TBCA: variants seen among roughly 807,000 people sequenced by gnomAD.
TBCA encodes the protein tubulin-specific chaperone A.
TBCA carries 6 observed loss-of-function variants against 15.8 expected under a neutral mutation model. The observed-to-expected ratio is 0.38, with a 90% CI of 0.21 to 0.75. The LOEUF (loss-of-function observed/expected upper bound fraction) is 0.75. TBCA is among the 30% of genes least tolerant of loss of function. The pLI, the probability that TBCA is intolerant of heterozygous loss-of-function variation, is 0.46. For missense variants in TBCA, 90 were observed against 131.2 expected (o/e 0.69, Z 1.53); for synonymous variants, 32 against 42.3 (o/e 0.76, Z 0.94).
chr5:77,701,520 C>A (rs187325289), intron 2 of TBCA, among the ~76,000 whole-genome samples: 2 of 151,488 alleles, frequency 1.3e-5, no homozygotes, highest in Admixed American at 6.6e-5. Flanking sequence ...AGTAGGACTA[C>A]CATTTGATCC....
intron 2 of TBCA, 64 bp from the exon 3 acceptor site, chr5:77,693,416 C>A: frequency 8.4e-6 from 13 of 1,544,070 alleles, no homozygotes; most frequent in Non-Finnish European, 1.1e-5. Flanking sequence ...TAGCTCATAT[C>A]TTGGTAAGTA....
chr5:77,760,374 CCCTT>C (rs1456335955), intron 1 of TBCA, among the ~76,000 whole-genome samples: 3 of 151,920 alleles, frequency 2.0e-5, no homozygotes, highest in Admixed American at 2.0e-4. Flanking sequence ...CTACGGCCCT[CCCTT>C]CCTTCCTCCT....
chr5:77,719,282 C>T (rs1457454551), intron 1 of TBCA, among the ~76,000 whole-genome samples: 5 of 152,116 alleles, frequency 3.3e-5, no homozygotes, highest in Non-Finnish European at 7.4e-5. Flanking sequence ...AAAATACAAT[C>T]GTATGTTTAA....
In TBCA at chr5:77,695,508, AT is replaced by A. The variant is rs886456896; in HGVS notation, c.160-2157del. ...GCAAAGGAACACAGTGATGGCTATG[AT>A]TTGGAATCCACAAACCACATCTTCA... On this transcript the variant is annotated intron_variant, in intron 2 of 3. Transcript: ENST00000380377. Among the ~76,000 whole-genome samples, 11 of 152,292 alleles carry A rather than the reference AT, an allele frequency of 7.2e-5. No homozygotes were observed. The South Asian group carries it at 1.5e-3, about 20-fold the overall frequency.
chr5:77,719,404 C>T (rs781294947), intron 1 of TBCA, among the ~76,000 whole-genome samples: 46 of 152,070 alleles, frequency 3.0e-4, no homozygotes, highest in Non-Finnish European at 6.5e-4. Flanking sequence ...GAAAAGGCAA[C>T]CCACCACCTA....
chr5:77,717,222 T>A (rs2662381), intron 1 of TBCA, among the ~76,000 whole-genome samples: 57,905 of 152,072 alleles, frequency 0.38, 11,065 homozygotes, highest in South Asian at 0.41. Context: ...AATATCCTTA[T>A]AGTTAAGCCA....
intron 3 of TBCA, chr5:77,692,181 G>T (rs925909627): frequency 4.6e-5 from 45 of 984,664 alleles, no homozygotes; most frequent in Non-Finnish European, 2.2e-5. Flanking sequence ...TGAAGCTATG[G>T]TTAGCAATTT....
intron 2 of TBCA, among the ~76,000 whole-genome samples, chr5:77,702,101 G>C (rs1010569562): frequency 2.6e-5 from 4 of 152,058 alleles, no homozygotes; most frequent in Admixed American, 1.3e-4. Flanking sequence ...CACTGCTTGG[G>C]TGATGGGTGC....
At chr5:77,722,035 T>C (rs71632935) in intron 1 of TBCA, among the ~76,000 whole-genome samples, 12,171 of 152,138 alleles carry the variant, frequency 0.08, 640 homozygotes, top group Middle Eastern at 0.12. Flanking sequence ...AAATTATGTC[T>C]TTTATGGCAT....
intron 1 of TBCA, among the ~76,000 whole-genome samples, chr5:77,755,871 G>A (rs1002569865): frequency 8.5e-5 from 13 of 152,050 alleles, no homozygotes; most frequent in African/African-American, 2.9e-4. Context: ...AGGAGTGGTG[G>A]CGCATGCCTG....
At chr5:77,710,311 A>G (rs1746246544) in intron 1 of TBCA, among the ~76,000 whole-genome samples, 1 of 152,244 alleles carries the variant, frequency 6.6e-6, no homozygotes, top group Admixed American at 6.5e-5. Context: ...CATTTGATTT[A>G]TAATTTAAAA....
Position 77,695,343 on chromosome 5 carries a change from T to A in TBCA, c.160-1991A>T, listed in dbSNP as rs534099040. 9.8e-5 allele frequency among the ~76,000 whole-genome samples: 15 copies of A among 152,322 alleles called. No homozygotes were observed. In the South Asian group the frequency reaches 2.9e-3, roughly 29 times the overall value. ...ACCCCAATTCATTCAATAAGTTTAC[T>A]ATACGTCTTCAGGATGCCAGGTACT... On this transcript the variant is annotated intron_variant, in intron 2 of 3. Transcript: ENST00000380377.
chr5:77,751,616 T>A (rs1300262011), intron 1 of TBCA, among the ~76,000 whole-genome samples: 1 of 152,072 alleles, frequency 6.6e-6, no homozygotes, highest in African/African-American at 2.4e-5. Flanking sequence ...AGAGGCAACA[T>A]CAATGGCCAC....
intron 2 of TBCA, among the ~76,000 whole-genome samples, chr5:77,702,330 A>G (rs1352191232): frequency 1.3e-5 from 2 of 152,214 alleles, no homozygotes; most frequent in Non-Finnish European, 2.9e-5. Context: ...ACCATGGAAT[A>G]CTACTTAGCA....
At chr5:77,742,045 G>A (rs193110508) in intron 1 of TBCA, among the ~76,000 whole-genome samples, 151 of 152,260 alleles carry the variant, frequency 9.9e-4, no homozygotes, top group African/African-American at 3.3e-3. Context: ...CTAATGGGTA[G>A]AATCAGTGAA....
At chr5:77,772,012 C>T (rs1038609453) in intron 1 of TBCA, among the ~76,000 whole-genome samples, 5 of 150,530 alleles carry the variant, frequency 3.3e-5, no homozygotes, top group Non-Finnish European at 7.4e-5. Context: ...GGAAAATGAA[C>T]GTCTAACCAG....
chr5:77,720,302 G>A (rs1184582227), intron 1 of TBCA, among the ~76,000 whole-genome samples: 6 of 152,140 alleles, frequency 3.9e-5, no homozygotes, highest in African/African-American at 1.4e-4. Flanking sequence ...GTTTTTAAGT[G>A]AGACTATACA....
intron 1 of TBCA, among the ~76,000 whole-genome samples, chr5:77,772,403 C>T (rs564278430): frequency 2.0e-5 from 3 of 152,118 alleles, no homozygotes; most frequent in East Asian, 3.9e-4. Flanking sequence ...TGCAGCATAT[C>T]ACCATGGCAC....
chr5:77,695,615 G>A (rs756167565), intron 2 of TBCA, among the ~76,000 whole-genome samples: 1 of 152,170 alleles, frequency 6.6e-6, no homozygotes, highest in Non-Finnish European at 1.5e-5. Flanking sequence ...AGTATATGAG[G>A]TGTGATTATA....
Sources: allele counts gnomAD v4.1 joint callset (sites outside exome capture counted in the v4.1 genomes callset), GRCh38; gene constraint gnomAD v4.1.1; transcripts MANE v1.5; gene names NCBI Gene and HGNC (gene_info 2026-07-23, HGNC 2026-07-21).